The following TM2D3 variants were observed in gnomAD, a reference collection of about 807,000 sequenced individuals.
TM2D3 encodes TM2 domain containing 3, also known as TM2 domain-containing protein 3.
A neutral mutation model predicts 27.3 loss-of-function variants in TM2D3; 33 were observed. That is an observed-to-expected ratio of 1.21 (90% CI 0.92 to 1.61). The LOEUF (loss-of-function observed/expected upper bound fraction) is 1.61. TM2D3 is among the 40% of genes most tolerant of loss of function. TM2D3 has a pLI of 0.00. For synonymous variants in TM2D3, 138 were observed against 122.2 expected (o/e 1.13, Z -0.85); for missense variants, 364 against 320.8 (o/e 1.13, Z -1.03).
intron 3 of TM2D3, among the ~76,000 whole-genome samples, chr15:101,648,721 T>C (rs1896885614): frequency 6.6e-6 from 1 of 152,266 alleles, no homozygotes; most frequent in Non-Finnish European, 1.5e-5. Context: ...AGCTGCCTAG[T>C]TCTTTTTAAT....
intron 3 of TM2D3, among the ~76,000 whole-genome samples, chr15:101,647,177 ATAAT>A (rs1403463466): frequency 1.3e-5 from 2 of 152,268 alleles, no homozygotes; most frequent in African/African-American, 4.8e-5. Flanking sequence ...TCAGGGTGAT[ATAAT>A]TATTTCATAA....
At chr15:101,646,613 C>A (rs931897225) in intron 4 of TM2D3, 112 bp downstream of exon 4, 3 of 1,138,032 alleles carry the variant, frequency 2.6e-6, no homozygotes, top group Non-Finnish European at 3.9e-6. Context: ...TAAAGAGCTG[C>A]TGATAAATGT....
At chr15:101,640,060 A>G (rs563912439), downstream of TM2D3, among the ~76,000 whole-genome samples, 2 of 152,348 alleles carry the variant, frequency 1.3e-5, no homozygotes, top group South Asian at 2.1e-4. Context: ...AGAACTATCA[A>G]TAGAGGATGG....
At chr15:101,647,392 C>T (rs1567313052) in intron 3 of TM2D3, among the ~76,000 whole-genome samples, 1 of 152,132 alleles carries the variant, frequency 6.6e-6, no homozygotes, top group Admixed American at 6.5e-5. Flanking sequence ...GTTAACACAC[C>T]GCCTTGCTTC....
chr15:101,635,481 T>G (rs1452029252), intron 4 of TM2D3: 1 of 152,218 alleles, frequency 6.6e-6, no homozygotes, highest in Non-Finnish European at 1.5e-5. Flanking sequence ...TGGTGCCACA[T>G]TTCTTTTACT....
intron 5 of TM2D3, among the ~76,000 whole-genome samples, chr15:101,643,599 TAA>T (rs1158728522): frequency 1.3e-4 from 6 of 47,330 alleles, no homozygotes; most frequent in African/African-American, 1.6e-4. Flanking sequence ...GAGACTCCGT[TAA>T]AAAAAAAAAA....
At chr15:101,646,649 A>C (rs1261687082) in intron 4 of TM2D3, 76 bp downstream of exon 4, 1 of 1,561,490 alleles carries the variant, frequency 6.4e-7, no homozygotes, top group Non-Finnish European at 8.8e-7. Context: ...TTGACTCGCA[A>C]ATTTCTGGTT....
rs553361386 is a variant in TM2D3 at position 101,646,890 on chromosome 15, A to C, written c.337T>G (p.Phe113Val). The C allele has an allele frequency of 2.5e-6, 4 of 1,614,188 alleles. No individual in the cohort carries two copies. The East Asian group carries it at 6.7e-5, about 27-fold the overall frequency. The part of the protein sequence containing the change: ...KPSVTCVDQD[F>V]KSQKNFIINM... ...ATGATGAAGTTCTTTTGGGATTTGA[A>C]GTCTTGATCCTATGTAGCAAATGAC... Residue 113 changes from phenylalanine (F) to valine (V), a missense_variant, in exon 4 of 6, where the codon TTC becomes GTC. Transcript: ENST00000333202.
chr15:101,647,192 C>T (rs1896837376), intron 3 of TM2D3, among the ~76,000 whole-genome samples: 1 of 152,182 alleles, frequency 6.6e-6, no homozygotes. Flanking sequence ...TATTTCATAA[C>T]TTTTGCTTAG....
At chr15:101,651,217 G>C in intron 2 of TM2D3, 1 of 154,640 alleles carries the variant, frequency 6.5e-6, no homozygotes, top group East Asian at 1.9e-4. Flanking sequence ...CCGCTTTAAA[G>C]ATGAGGACCA....
At chr15:101,640,488 C>T (rs143852833), downstream of TM2D3, among the ~76,000 whole-genome samples, 57 of 152,248 alleles carry the variant, frequency 3.7e-4, 1 homozygote, top group African/African-American at 1.2e-3. Context: ...TATAGCAATC[C>T]TGAAAATCTA....
chr15:101,640,070 G>A (rs1232610641), downstream of TM2D3, among the ~76,000 whole-genome samples: 2 of 152,226 alleles, frequency 1.3e-5, no homozygotes, highest in Non-Finnish European at 2.9e-5. Flanking sequence ...ATAGAGGATG[G>A]TTGACTGATA....
In TM2D3 at chr15:101,652,002, C is replaced by A. The variant is rs113580967; in HGVS notation, c.92-229G>T. 548 of 589,098 alleles carry A rather than the reference C, an allele frequency of 9.3e-4. 7 individuals are homozygous for A. The highest frequency in any genetic ancestry group is 9.3e-3 in the African/African-American group (482 of 51,964). The allele number at this position is 589,098 out of a possible 1,614,324, so 36.5% of individuals were successfully genotyped here. A position where few individuals can be genotyped will look rare whatever the true frequency, so the allele number is the denominator to read the frequency against. On this transcript the variant is annotated intron_variant, in intron 1 of 5. Transcript: ENST00000333202. ...CGAAGGATGACATCGCGCTCCAGTTCCGCCTCCCCGGCCCAGCCCCCAAGC... is the reference window on the plus strand; with the variant it reads ...CGAAGGATGACATCGCGCTCCAGTTACGCCTCCCCGGCCCAGCCCCCAAGC...
chr15:101,633,394 G>T, exon 5 of TM2D3: 1 of 347,288 alleles, frequency 2.9e-6, no homozygotes, highest in Non-Finnish European at 5.2e-6. Context: ...ACAGGTGTTG[G>T]TGGGACTGTG....
downstream of TM2D3, among the ~76,000 whole-genome samples, chr15:101,637,747 A>T (rs1016661151): frequency 5.9e-5 from 9 of 151,830 alleles, no homozygotes; most frequent in African/African-American, 1.9e-4. Flanking sequence ...ATTTTTATTT[A>T]TTTTTTTTAG....
chr15:101,651,949 C>T, intron 1 of TM2D3, 176 bp from the exon 2 acceptor site: 1 of 645,168 alleles, frequency 1.5e-6, no homozygotes, highest in Admixed American at 2.9e-5. Context: ...GAGTAGACAT[C>T]AGTTCAGGTC....
chr15:101,642,717 C>A, intron 5 of TM2D3, 73 bp from the exon 6 acceptor site: 1 of 1,298,608 alleles, frequency 7.7e-7, no homozygotes, highest in Non-Finnish European at 1.0e-6. Context: ...GTTTAATCAC[C>A]ACATTATGTC....
At chr15:101,641,105 C>T (rs1264341175), downstream of TM2D3, among the ~76,000 whole-genome samples, 1 of 152,196 alleles carries the variant, frequency 6.6e-6, no homozygotes, top group Non-Finnish European at 1.5e-5. Flanking sequence ...TTATAGTTAG[C>T]AAAGGGGCTA....
downstream of TM2D3, among the ~76,000 whole-genome samples, chr15:101,638,444 G>A (rs1398273639): frequency 6.6e-6 from 1 of 151,964 alleles, no homozygotes; most frequent in Admixed American, 6.6e-5. Context: ...ACAGGCACCT[G>A]CCACCACGCC....
Sources: allele counts gnomAD v4.1 joint callset (sites outside exome capture counted in the v4.1 genomes callset), GRCh38; gene constraint gnomAD v4.1.1; transcripts MANE v1.5; gene names NCBI Gene and HGNC (gene_info 2026-07-23, HGNC 2026-07-21).